Variants in ZCCHC7 observed in about 807,000 individuals in gnomAD.
ZCCHC7 encodes the protein zinc finger CCHC domain-containing protein 7.
A neutral mutation model predicts 52.0 loss-of-function variants in ZCCHC7; 35 were observed. The ratio of observed to expected loss-of-function variants is 0.67; its 90% confidence interval spans 0.51 to 0.89. The LOEUF is 0.89. ZCCHC7 is among the 40% of genes least tolerant of loss of function. The pLI is 0.00. For missense variants in ZCCHC7, 574 were observed against 649.1 expected (o/e 0.88, Z 1.26); for synonymous variants, 217 against 221.5 (o/e 0.98, Z 0.18).
intron 6 of ZCCHC7, among the ~76,000 whole-genome samples, chr9:37,334,788 AT>A (rs1564261484): frequency 6.6e-6 from 1 of 152,084 alleles, no homozygotes; most frequent in Non-Finnish European, 1.5e-5. Flanking sequence ...GAAGAAATAT[AT>A]TACCTCTTTA....
rs371786916 is a variant in ZCCHC7, at chr9:37,318,217, T to C, written c.952-9582T>C. ...ATTTATTCAGCCGTTTCGAAAATGATATAAAAGGCCGGGCGCAGTGGATCA... is the reference window on the plus strand; with the variant it reads ...ATTTATTCAGCCGTTTCGAAAATGACATAAAAGGCCGGGCGCAGTGGATCA... On this transcript the variant is annotated intron_variant, in intron 5 of 8. Transcript: ENST00000336755. Among the ~76,000 whole-genome samples the C allele has an allele frequency of 1.7e-4, 26 of 152,000 alleles. 1 individual carries two copies. The East Asian group carries it at 5.0e-3, about 29-fold the overall frequency.
At chr9:37,320,284 G>A (rs559719588) in intron 5 of ZCCHC7, among the ~76,000 whole-genome samples, 2 of 151,948 alleles carry the variant, frequency 1.3e-5, no homozygotes, top group Non-Finnish European at 2.9e-5. Flanking sequence ...CACCATGTTG[G>A]CCAGGCTGGT....
In ZCCHC7 at chr9:37,165,869, G is replaced by T. The variant is rs1462312152; in HGVS notation, c.610+38927G>T. Among the ~76,000 whole-genome samples the T allele has an allele frequency of 5.3e-5, 8 of 152,184 alleles. No homozygotes were observed. In the East Asian group the frequency reaches 1.3e-3, roughly 26 times the overall value. On this transcript the variant is annotated intron_variant, in intron 2 of 8. Transcript: ENST00000336755. Reference sequence around the variant, plus strand: ...AGAATCATCTGTTTTGGAAAATTCAGATTCATCAAATTAGTCTTCGGCCAA... The same window carrying T: ...AGAATCATCTGTTTTGGAAAATTCATATTCATCAAATTAGTCTTCGGCCAA...
rs562474485 is a variant in ZCCHC7, at chr9:37,355,006, T to A, written c.1198+182T>A. On this transcript the variant is annotated intron_variant, in intron 8 of 8. Transcript: ENST00000336755. ...AGCACCCACTTCAGAAATAATCCCA[T>A]GTTGCAATCTCCTCACAGTAAACAT... 5.3e-5 allele frequency among the ~76,000 whole-genome samples: 8 copies of A among 152,312 alleles called. No individual in the cohort carries two copies. In the East Asian group the frequency reaches 1.5e-3, roughly 29 times the overall value.
chr9:37,222,650 A>G (rs1824886012), intron 2 of ZCCHC7, among the ~76,000 whole-genome samples: 1 of 152,136 alleles, frequency 6.6e-6, no homozygotes, highest in South Asian at 2.1e-4. Flanking sequence ...CAATATGACA[A>G]GAATGTTCAA....
chr9:37,223,866 C>T (rs766271946), intron 2 of ZCCHC7, among the ~76,000 whole-genome samples: 27 of 151,912 alleles, frequency 1.8e-4, no homozygotes, highest in Non-Finnish European at 3.4e-4. Context: ...TATGATTTAA[C>T]AAGTGAAAAT....
intron 2 of ZCCHC7, among the ~76,000 whole-genome samples, chr9:37,144,085 A>T (rs1564139652): frequency 6.6e-6 from 1 of 151,872 alleles, no homozygotes; most frequent in East Asian, 1.9e-4. Context: ...CTTTAAATTG[A>T]AAGAACTTAA....
intron 6 of ZCCHC7, among the ~76,000 whole-genome samples, chr9:37,341,608 T>G (rs913739210): frequency 2.6e-5 from 4 of 151,952 alleles, no homozygotes; most frequent in Non-Finnish European, 4.4e-5. Context: ...TTGAGTTTTG[T>G]TTGGTTGGTT....
At chr9:37,242,318 C>T (rs764425317) in intron 2 of ZCCHC7, among the ~76,000 whole-genome samples, 1 of 151,734 alleles carries the variant, frequency 6.6e-6, no homozygotes, top group Non-Finnish European at 1.5e-5. Context: ...GAGTTTTTCT[C>T]TAGCATCTAA....
chr9:37,151,677 C>T (rs1002643453), intron 2 of ZCCHC7, among the ~76,000 whole-genome samples: 1 of 151,982 alleles, frequency 6.6e-6, no homozygotes, highest in Non-Finnish European at 1.5e-5. Context: ...TGGTGGTGCA[C>T]ACCTGTAATC....
At chr9:37,198,782 T>C (rs529240579) in intron 2 of ZCCHC7, among the ~76,000 whole-genome samples, 1 of 152,166 alleles carries the variant, frequency 6.6e-6, no homozygotes, top group Non-Finnish European at 1.5e-5. Context: ...TTTGAAAGAT[T>C]AGTAAGAAAG....
chr9:37,120,398 T>C, upstream of ZCCHC7: 1 of 387,334 alleles, frequency 2.6e-6, no homozygotes, highest in Non-Finnish European at 4.6e-6. Flanking sequence ...AACCTAATAA[T>C]TATGGGCGGG....
intron 5 of ZCCHC7, among the ~76,000 whole-genome samples, chr9:37,317,792 A>G (rs1829884821): frequency 6.6e-6 from 1 of 152,122 alleles, no homozygotes; most frequent in South Asian, 2.1e-4. Context: ...AAACATTTTC[A>G]TAGTAGATTA....
chr9:37,242,897 G>T lies in ZCCHC7; in HGVS notation c.611-59291G>T, dbSNP rs538880619. Among the ~76,000 whole-genome samples the T allele has an allele frequency of 2.0e-4, 30 of 151,890 alleles. No homozygotes were observed. The East Asian group carries it at 5.2e-3, about 26-fold the overall frequency. Reference sequence around the variant, plus strand: ...TTGTATCAGCACCCTGAATGGTTTTGTATTAAGGAAAGCCAGATTCAGTGA... The same window carrying T: ...TTGTATCAGCACCCTGAATGGTTTTTTATTAAGGAAAGCCAGATTCAGTGA... On this transcript the variant is annotated intron_variant, in intron 2 of 8. Coordinates refer to ENST00000336755, the MANE Select transcript of ZCCHC7 (RefSeq NM_032226.3).
chr9:37,341,383 T>G (rs945282603), intron 6 of ZCCHC7, among the ~76,000 whole-genome samples: 1 of 152,234 alleles, frequency 6.6e-6, no homozygotes, highest in Admixed American at 6.5e-5. Context: ...GTAGGCCATG[T>G]GCTTTACTTA....
chr9:37,326,708 T>G (rs2118134547), intron 5 of ZCCHC7, among the ~76,000 whole-genome samples: 1 of 152,156 alleles, frequency 6.6e-6, no homozygotes, highest in African/African-American at 2.4e-5. Flanking sequence ...ATTGTATGAA[T>G]TACCTTTGTT....
chr9:37,149,455 A>G (rs1028232026), intron 2 of ZCCHC7, among the ~76,000 whole-genome samples: 14 of 152,114 alleles, frequency 9.2e-5, no homozygotes, highest in Admixed American at 5.9e-4. Flanking sequence ...TCCCCAACAA[A>G]CAAAACTGAT....
At chr9:37,344,982 G>A (rs190307168) in intron 6 of ZCCHC7, among the ~76,000 whole-genome samples, 31 of 152,200 alleles carry the variant, frequency 2.0e-4, no homozygotes, top group African/African-American at 7.2e-4. Flanking sequence ...TTCCCTTCTT[G>A]CATACACAGC....
chr9:37,241,366 C>G (rs1341101800), intron 2 of ZCCHC7, among the ~76,000 whole-genome samples: 1 of 151,692 alleles, frequency 6.6e-6, no homozygotes, highest in Non-Finnish European at 1.5e-5. Flanking sequence ...TTCTTAGTTC[C>G]AAGTAGTGGA....
Sources: allele counts gnomAD v4.1 joint callset (sites outside exome capture counted in the v4.1 genomes callset), GRCh38; gene constraint gnomAD v4.1.1; transcripts MANE v1.5; gene names NCBI Gene and HGNC (gene_info 2026-07-23, HGNC 2026-07-21).